DNAH11: variants seen among roughly 807,000 people sequenced by gnomAD.
The protein encoded by DNAH11 is axonemal beta dynein heavy chain 11.
DNAH11 carries 442 observed loss-of-function variants against 526.0 expected under a neutral mutation model. The observed-to-expected ratio is 0.84, with a 90% CI of 0.78 to 0.91. The LOEUF (loss-of-function observed/expected upper bound fraction) is 0.91, where lower values mean the gene tolerates loss of function less well. Among genes scored for constraint, DNAH11 ranks in the 40% least tolerant of loss-of-function variants. The pLI, the probability that DNAH11 is intolerant of heterozygous loss-of-function variation, is 0.00. For missense variants in DNAH11, 6,989 were observed against 5,448.7 expected, an observed-to-expected ratio of 1.28 and a Z score of -8.90; for synonymous variants, 2,461 against 1,935.9, an observed-to-expected ratio of 1.27 and a Z score of -7.12.
chr7:21,599,666 A>G, intron 14 of DNAH11, 121 bp from the exon 15 acceptor site: 1 of 669,908 alleles, frequency 1.5e-6, no homozygotes, highest in East Asian at 3.0e-5. Context: ...TAGTATTTGA[A>G]TGTTCCTGTC....
At chr7:21,702,671 C>G in intron 36 of DNAH11, 39 bp from the exon 37 acceptor site, 1 of 1,562,016 alleles carries the variant, frequency 6.4e-7, no homozygotes, top group Non-Finnish European at 8.8e-7. Flanking sequence ...CTTCTTCCCT[C>G]ATACAATTTT....
chr7:21,564,091 G>A (rs1562663757), intron 5 of DNAH11, 95 bp from the exon 6 acceptor site: 4 of 837,786 alleles, frequency 4.8e-6, no homozygotes, highest in Non-Finnish European at 7.3e-6. Context: ...GTGTGGCCAT[G>A]TTGTTTTACG....
Position 21,892,429 on chromosome 7 carries a change from A to C in DNAH11, c.12512A>C (p.Glu4171Ala), listed in dbSNP as rs1784356319. ...ACTTTTCCTTTGTGGTTCAAGACTG[A>C]AGATGAACTGATGCTGGCACCAGGT... is the stretch of plus-strand genomic sequence containing the variant. ...LEEFMNPSLTEDELMLAPGFA... is the reference protein window; with the variant it reads ...LEEFMNPSLTADELMLAPGFA... Residue 4171 changes from glutamate to alanine, a missense_variant, in exon 77 of 82, where the codon GAA becomes GCA. Coordinates refer to ENST00000409508, the MANE Select transcript of DNAH11 (RefSeq NM_001277115.2). The C allele has an allele frequency of 6.2e-7, 1 of 1,609,780 alleles. No individual in the cohort carries two copies. Among genetic ancestry groups the C allele is most frequent in the Non-Finnish European group, 8.5e-7 (1 of 1,176,674 alleles).
intron 56 of DNAH11, among the ~76,000 whole-genome samples, chr7:21,776,080 C>A (rs114724632): frequency 1.6e-3 from 250 of 152,262 alleles, no homozygotes; most frequent in Middle Eastern, 6.8e-3. Context: ...TTAATAGTCA[C>A]CTCAGTTACA....
chr7:21,629,381 A>C (rs1786494595), intron 25 of DNAH11, among the ~76,000 whole-genome samples: 1 of 152,148 alleles, frequency 6.6e-6, no homozygotes, highest in South Asian at 2.1e-4. Context: ...ATTCTGCAGT[A>C]GTTGGGTAAA....
chr7:21,883,402 T>C (rs755083594), intron 75 of DNAH11, among the ~76,000 whole-genome samples: 1 of 152,142 alleles, frequency 6.6e-6, no homozygotes, highest in Non-Finnish European at 1.5e-5. Flanking sequence ...GGTACAGTGA[T>C]TTCTTGAATA....
intron 62 of DNAH11, among the ~76,000 whole-genome samples, chr7:21,806,999 A>G (rs563125689): frequency 1.3e-5 from 2 of 152,334 alleles, no homozygotes; most frequent in African/African-American, 4.8e-5. Context: ...TTTAGTAACT[A>G]CCAATGCTAC....
intron 65 of DNAH11, 27 bp downstream of exon 65, chr7:21,818,366 T>C (rs772101290): frequency 6.9e-6 from 11 of 1,595,206 alleles, no homozygotes; most frequent in Non-Finnish European, 9.4e-6. Context: ...TTTTAACATA[T>C]ATATCTTGCT....
chr7:21,772,013 A>G, intron 55 of DNAH11, among the ~76,000 whole-genome samples: 1 of 152,168 alleles, frequency 6.6e-6, no homozygotes, highest in East Asian at 1.9e-4. Flanking sequence ...ATCATAAGAG[A>G]AAGTGACAAA....
At chr7:21,546,067 G>A (rs887825134) in intron 2 of DNAH11, among the ~76,000 whole-genome samples, 1 of 152,174 alleles carries the variant, frequency 6.6e-6, no homozygotes, top group African/African-American at 2.4e-5. Context: ...CTGTCTACAA[G>A]GCCAATTTCT....
At chr7:21,713,955 C>T (rs1784551837) in intron 42 of DNAH11, among the ~76,000 whole-genome samples, 1 of 152,276 alleles carries the variant, frequency 6.6e-6, no homozygotes, top group Admixed American at 6.5e-5. Context: ...GGAGTCTCTC[C>T]AGCAGCCCTG....
At chr7:21,555,483 T>G (rs1303678750) in intron 2 of DNAH11, among the ~76,000 whole-genome samples, 1 of 152,222 alleles carries the variant, frequency 6.6e-6, no homozygotes, top group African/African-American at 2.4e-5. Context: ...CCCCAACTAC[T>G]GGAGGTTTCT....
Position 21,866,638 on chromosome 7 carries a change from C to A in DNAH11, c.11665C>A (p.Pro3889Thr), listed in dbSNP as rs1248741029. The A allele has an allele frequency of 6.2e-7, 1 of 1,613,072 alleles. No individual in the cohort carries two copies. The highest frequency in any genetic ancestry group is 8.5e-7 in the Non-Finnish European group (1 of 1,179,478). ...GCTGATTCTTCTGAGAGCAATGCGC[C>A]CTGACAGAATGACGTATGCTCTCAG... Reference protein sequence around the residue: ...QKLILLRAMRPDRMTYALRNF... With the variant: ...QKLILLRAMRTDRMTYALRNF... Residue 3889 changes from proline to threonine, a missense_variant, in exon 71 of 82, where the codon CCT (proline) becomes ACT (threonine). By Grantham distance (38) the Pro-to-Thr change is conservative. Transcript: ENST00000409508.
Position 21,572,820 on chromosome 7 carries a change from CT to C in DNAH11, c.1593+852del, listed in dbSNP as rs940600219. ...AGAAGGACACTGCTGTAATAGGTGA[CT>C]TTTTGCTAAACCAGGGCACTACACT... On this transcript the variant is annotated intron_variant, in intron 8 of 81. Transcript: ENST00000409508. Among the ~76,000 whole-genome samples the C allele has an allele frequency of 9.2e-5, 14 of 152,092 alleles. 2 individuals are homozygous for C. Among genetic ancestry groups the C allele is most frequent in the Admixed American group, 8.5e-4 (13 of 15,276 alleles).
chr7:21,707,688 C>T lies in DNAH11; in HGVS notation c.6547-11C>T, dbSNP rs1479692401. 6.2e-7 allele frequency: 1 copy of T among 1,601,260 alleles called. No individual in the cohort carries two copies. Among genetic ancestry groups the T allele is most frequent in the African/African-American group, 1.3e-5 (1 of 74,196 alleles). On this transcript the variant is annotated splice_polypyrimidine_tract_variant and intron_variant, in intron 39 of 81. Coordinates refer to ENST00000409508, the MANE Select transcript of DNAH11 (RefSeq NM_001277115.2). ...TATTAATTTTTTTGGCTCTTTCCTC[C>T]TTCCCCTCAGATTTTGAGAACACTG... is the stretch of plus-strand genomic sequence containing the variant.
intron 42 of DNAH11, among the ~76,000 whole-genome samples, chr7:21,715,642 T>A (rs1169793993): frequency 6.6e-6 from 1 of 152,164 alleles, no homozygotes; most frequent in Non-Finnish European, 1.5e-5. Flanking sequence ...TTGTAAGAAT[T>A]GCACACAAAT....
intron 7 of DNAH11, chr7:21,570,533 A>G: frequency 2.7e-6 from 1 of 370,908 alleles, no homozygotes; most frequent in Non-Finnish European, 4.8e-6. Context: ...CATTGAGTAT[A>G]AGTAAATCTC....
rs750550014 is a variant in DNAH11 at position 21,894,742 on chromosome 7, G to C, written c.12870G>C (p.Glu4290Asp). Reference protein sequence around the residue: ...PYVLVCFQECERMNILIREIR... With the variant: ...PYVLVCFQECDRMNILIREIR... ...TTCTTGTTTGCTTCCAAGAATGTGA[G>C]AGGATGAATATTCTCATTCGGGAAA... Residue 4290 changes from glutamate to aspartate, a missense_variant, in exon 78 of 82, where the codon GAG becomes GAC. Transcript: ENST00000409508. 1.2e-6 allele frequency: 2 copies of C among 1,612,986 alleles called. No individual in the cohort carries two copies. Among genetic ancestry groups the C allele is most frequent in the Non-Finnish European group, 1.7e-6 (2 of 1,179,660 alleles).
chr7:21,659,974 C>A (rs1194778986), intron 30 of DNAH11, among the ~76,000 whole-genome samples: 1 of 152,004 alleles, frequency 6.6e-6, no homozygotes, highest in Admixed American at 6.6e-5. Flanking sequence ...GTACCACTTA[C>A]TTTTGGGGAA....
Sources: allele counts gnomAD v4.1 joint callset (sites outside exome capture counted in the v4.1 genomes callset), GRCh38; gene constraint gnomAD v4.1.1; transcripts MANE v1.5; gene names NCBI Gene and HGNC (gene_info 2026-07-23, HGNC 2026-07-21).